NASP: variants seen among roughly 807,000 people sequenced by gnomAD.
NASP encodes NASP histone chaperone.
Under a neutral mutation model 89.5 loss-of-function variants are expected in NASP, and 24 were observed. The ratio of observed to expected loss-of-function variants is 0.27; its 90% CI spans 0.19 to 0.38. The LOEUF is 0.38. Among genes scored for constraint, NASP ranks in the 10% least tolerant of loss-of-function variants. The pLI is 1.00. For missense variants in NASP, 848 were observed against 921.4 expected, an observed-to-expected ratio of 0.92 and a Z score of 1.03; for synonymous variants, 306 against 324.7, an observed-to-expected ratio of 0.94 and a Z score of 0.62.
chr1:45,587,063 G>T (rs1023741996), intron 1 of NASP, among the ~76,000 whole-genome samples: 2 of 152,144 alleles, frequency 1.3e-5, no homozygotes, highest in Non-Finnish European at 2.9e-5. Flanking sequence ...TTTGTCGTCT[G>T]CAAAAAGTCT....
In NASP at chr1:45,615,287, T is replaced by C; in HGVS notation, c.1856-18T>C. On this transcript the variant is annotated intron_variant, in intron 10 of 14. Coordinates refer to ENST00000350030, the MANE Select transcript of NASP (RefSeq NM_002482.4). ...CAGTTCTTTTTTGAGCCATTACTAA[T>C]CACTTTATTCTTTTTAGCTGTACTA... The C allele has an allele frequency of 1.2e-6, 2 of 1,612,352 alleles. No individual in the cohort carries two copies. The highest frequency in any genetic ancestry group is 1.1e-5 in the South Asian group (1 of 90,890).
intron 11 of NASP, 153 bp downstream of exon 11, chr1:45,615,624 T>C: frequency 1.5e-6 from 1 of 682,000 alleles, no homozygotes; most frequent in African/African-American, 1.8e-5. Context: ...TAAGAGGAAA[T>C]ACCCTGGAGC....
intron 2 of NASP, among the ~76,000 whole-genome samples, chr1:45,596,380 T>C (rs1643695480): frequency 6.6e-6 from 1 of 152,220 alleles, no homozygotes; most frequent in Non-Finnish European, 1.5e-5. Flanking sequence ...CTGTCTTCCC[T>C]AGCCCCTGGC....
intron 2 of NASP, chr1:45,594,890 A>G (rs1643649675): frequency 3.5e-6 from 1 of 287,302 alleles, no homozygotes; most frequent in Admixed American, 3.8e-5. Context: ...CCTTAAATTT[A>G]TAACCTCTGA....
chr1:45,607,221 C>A, intron 5 of NASP, 100 bp from the exon 6 acceptor site: 1 of 1,261,150 alleles, frequency 7.9e-7, no homozygotes, highest in Non-Finnish European at 1.1e-6. Flanking sequence ...ACTTGGTAGG[C>A]TTTTTGAGGG....
At chr1:45,593,653 A>G (rs955496959) in intron 2 of NASP, among the ~76,000 whole-genome samples, 5 of 151,684 alleles carry the variant, frequency 3.3e-5, no homozygotes, top group Non-Finnish European at 5.9e-5. Context: ...AGTGCTGGCA[A>G]TGAGCTGTAC....
At chr1:45,586,286 T>TGTGTGGG (rs1644544005) in intron 1 of NASP, among the ~76,000 whole-genome samples, 5 of 88,376 alleles carry the variant, frequency 5.7e-5, no homozygotes, top group African/African-American at 2.7e-4. Context: ...GTGTGTGTGG[T>TGTGTGGG]GTGTGTGTGT....
intron 1 of NASP, among the ~76,000 whole-genome samples, chr1:45,585,264 T>C (rs1644516328): frequency 6.6e-6 from 1 of 152,218 alleles, no homozygotes; most frequent in Non-Finnish European, 1.5e-5. Context: ...GTTCTATTTT[T>C]TTTTCTAATC....
chr1:45,611,152 T>C (rs547901470), intron 6 of NASP: 2 of 152,318 alleles, frequency 1.3e-5, no homozygotes, highest in South Asian at 2.1e-4. Context: ...CTGAAGTAGA[T>C]TTACATATGT....
rs533905916 is a variant in NASP at position 45,584,074 on chromosome 1, C to G, written c.-73C>G. ...TGCCATTTTCTGTCCCTGAGTGAGT[C>G]TCTGGCGTCCCAAATTGCCTGTTTT... On this transcript the variant is annotated 5_prime_UTR_variant, in exon 1 of 15. Coordinates refer to ENST00000350030, the MANE Select transcript of NASP (RefSeq NM_002482.4). 7.1e-7 allele frequency: 1 copy of G among 1,417,754 alleles called. No homozygotes were observed. Among genetic ancestry groups the G allele is most frequent in the African/African-American group, 1.4e-5 (1 of 70,344 alleles). 87.8% of individuals were successfully genotyped at this position (1,417,754 alleles called of 1,614,324 possible). A position where few individuals can be genotyped will look rare whatever the true frequency, so the allele number is the denominator to read the frequency against.
intron 1 of NASP, among the ~76,000 whole-genome samples, chr1:45,585,915 A>G (rs1041137960): frequency 1.3e-5 from 2 of 152,294 alleles, no homozygotes; most frequent in African/African-American, 4.8e-5. Context: ...TTGAGGTTAC[A>G]GGCGTGAGGC....
chr1:45,587,821 T>G (rs907139425), intron 1 of NASP, among the ~76,000 whole-genome samples: 9 of 151,182 alleles, frequency 6.0e-5, no homozygotes, highest in African/African-American at 2.2e-4. Context: ...TAGCTGAGAC[T>G]ACAGTTTACA....
At chr1:45,593,535 CAAAAAAA>C (rs1197658183) in intron 2 of NASP, among the ~76,000 whole-genome samples, 182 of 82,424 alleles carry the variant, frequency 2.2e-3, no homozygotes, top group Admixed American at 7.2e-3. Context: ...TGTCCCCCCC[CAAAAAAA>C]AAAAAAAAAA....
chr1:45,597,446 TTAATG>T (rs1319502846), intron 2 of NASP, among the ~76,000 whole-genome samples: 1 of 152,050 alleles, frequency 6.6e-6, no homozygotes, highest in African/African-American at 2.4e-5. Flanking sequence ...TTCCTGTACT[TTAATG>T]AAAAGAAAAC....
intron 4 of NASP, chr1:45,605,649 A>G (rs976574417): frequency 1.3e-5 from 2 of 152,092 alleles, no homozygotes; most frequent in Admixed American, 1.3e-4. Flanking sequence ...TTTAGTAGAG[A>G]CAGGGTTTCA....
chr1:45,589,639 C>T (rs1021958036), intron 1 of NASP, among the ~76,000 whole-genome samples: 5 of 152,130 alleles, frequency 3.3e-5, no homozygotes, highest in African/African-American at 1.2e-4. Flanking sequence ...GTGGCTCACA[C>T]CTGTAATCTC....
chr1:45,595,038 G>T (rs747447968), intron 2 of NASP, among the ~76,000 whole-genome samples: 19 of 151,772 alleles, frequency 1.3e-4, no homozygotes, highest in Non-Finnish European at 2.5e-4. Flanking sequence ...AGCCACTCAG[G>T]CTGGAGTACA....
At chr1:45,587,674 A>ATGAAAT (rs924428354) in intron 1 of NASP, among the ~76,000 whole-genome samples, 2 of 76,778 alleles carry the variant, frequency 2.6e-5, no homozygotes, top group Non-Finnish European at 5.1e-5. Context: ...ATATATATAT[A>ATGAAAT]TATATATATA....
At chr1:45,597,159 T>C (rs1000705774) in intron 2 of NASP, among the ~76,000 whole-genome samples, 1 of 151,656 alleles carries the variant, frequency 6.6e-6, no homozygotes, top group African/African-American at 2.4e-5. Flanking sequence ...ATACAAAAAT[T>C]AGCTGGGTGT....
Sources: allele counts gnomAD v4.1 joint callset (sites outside exome capture counted in the v4.1 genomes callset), GRCh38; gene constraint gnomAD v4.1.1; transcripts MANE v1.5; gene names NCBI Gene and HGNC (gene_info 2026-07-23, HGNC 2026-07-21).